SHROOM3: variants seen among roughly 807,000 people sequenced by gnomAD.
SHROOM3 encodes the protein protein Shroom3.
In SHROOM3, 47 loss-of-function variants were observed where a neutral mutation model predicts 138.6. The observed-to-expected ratio is 0.34, with a 90% confidence interval of 0.27 to 0.43. SHROOM3 has a LOEUF of 0.43. SHROOM3 is among the 20% of genes least tolerant of loss of function. The probability of loss-of-function intolerance (pLI) is 1.00; values close to 1 mark genes in which losing one functional copy is unlikely to be tolerated. For missense variants in SHROOM3, 2,491 were observed against 2,596.5 expected, an observed-to-expected ratio of 0.96 and a Z score of 0.88; for synonymous variants, 1,062 against 1,063.3, an observed-to-expected ratio of 1.00 and a Z score of 0.02.
chr4:76,499,684 A>T (rs1732049659), intron 1 of SHROOM3, among the ~76,000 whole-genome samples: 1 of 152,040 alleles, frequency 6.6e-6, no homozygotes, highest in African/African-American at 2.4e-5. Context: ...GGAGGAGGGG[A>T]CATGGGTCTC....
intron 2 of SHROOM3, among the ~76,000 whole-genome samples, chr4:76,607,181 T>G (rs1358568375): frequency 6.8e-6 from 1 of 147,234 alleles, no homozygotes; most frequent in Non-Finnish European, 1.5e-5. Flanking sequence ...AAATCTGATC[T>G]ATTTCTGTTT....
intron 2 of SHROOM3, among the ~76,000 whole-genome samples, chr4:76,699,861 G>C (rs1290712545): frequency 6.6e-6 from 1 of 152,130 alleles, no homozygotes; most frequent in Non-Finnish European, 1.5e-5. Context: ...AGACTCCCCT[G>C]ATGCAGGATG....
intron 1 of SHROOM3, among the ~76,000 whole-genome samples, chr4:76,441,091 T>TTTTTG (rs1553913348): frequency 7.8e-6 from 1 of 128,660 alleles, no homozygotes; most frequent in African/African-American, 3.0e-5. Flanking sequence ...AATTTGTTTT[T>TTTTTG]TTTTTTTTTT....
chr4:76,449,151 G>A (rs1730871374), intron 1 of SHROOM3, among the ~76,000 whole-genome samples: 1 of 152,144 alleles, frequency 6.6e-6, no homozygotes, highest in African/African-American at 2.4e-5. Flanking sequence ...CCACTCTCTT[G>A]TTCTATAGGT....
chr4:76,675,123 C>A (rs962069959), intron 2 of SHROOM3, among the ~76,000 whole-genome samples: 17 of 152,226 alleles, frequency 1.1e-4, no homozygotes, highest in African/African-American at 3.6e-4. Flanking sequence ...AGGAAGAGAC[C>A]AATGTTCCCT....
chr4:76,751,238 A>G (rs1721613714), intron 6 of SHROOM3, among the ~76,000 whole-genome samples: 1 of 152,190 alleles, frequency 6.6e-6, no homozygotes, highest in Admixed American at 6.5e-5. Context: ...AGTCACATCA[A>G]CTGGACAATA....
At chr4:76,470,506 G>A (rs1731347379) in intron 1 of SHROOM3, among the ~76,000 whole-genome samples, 1 of 152,110 alleles carries the variant, frequency 6.6e-6, no homozygotes, top group Non-Finnish European at 1.5e-5. Flanking sequence ...CAAGATACAA[G>A]ACTAATTGTA....
At chr4:76,730,767 T>C in intron 3 of SHROOM3, 37 bp from the exon 4 acceptor site, 1 of 1,613,306 alleles carries the variant, frequency 6.2e-7, no homozygotes. Flanking sequence ...GCTGAGACTT[T>C]GGCTAATGTT....
chr4:76,527,755 A>G (rs1449508068), intron 1 of SHROOM3, among the ~76,000 whole-genome samples: 1 of 152,196 alleles, frequency 6.6e-6, no homozygotes, highest in African/African-American at 2.4e-5. Context: ...TCCATGCTTC[A>G]GGGTTTGTTT....
At chr4:76,449,480 A>G (rs1730879915) in intron 1 of SHROOM3, among the ~76,000 whole-genome samples, 1 of 152,216 alleles carries the variant, frequency 6.6e-6, no homozygotes. Flanking sequence ...ACTTTTTAAC[A>G]CTAACATGCG....
intron 1 of SHROOM3, among the ~76,000 whole-genome samples, chr4:76,527,325 G>A (rs1389382572): frequency 6.6e-6 from 1 of 152,236 alleles, no homozygotes; most frequent in African/African-American, 2.4e-5. Flanking sequence ...GCTCATGCCT[G>A]TAATCCCAGC....
chr4:76,725,989 C>T (rs1720692251), intron 3 of SHROOM3, among the ~76,000 whole-genome samples: 1 of 152,204 alleles, frequency 6.6e-6, no homozygotes, highest in Non-Finnish European at 1.5e-5. Context: ...CCACCCTCTT[C>T]TCCCCTTTAG....
chr4:76,681,840 C>T (rs1385120306), intron 2 of SHROOM3, among the ~76,000 whole-genome samples: 1 of 152,108 alleles, frequency 6.6e-6, no homozygotes, highest in African/African-American at 2.4e-5. Flanking sequence ...ACACTCTCTC[C>T]AGCCCAGGTG....
chr4:76,756,791 C>A lies in SHROOM3; in HGVS notation c.5052C>A (p.Asp1684Glu), dbSNP rs1476657488. The stretch of plus-strand genomic sequence containing the variant: ...TCCACCAAGACAAATCTCTAGCAGA[C>A]ATTTTGGATCCAGACTCCAGGCTGA... ...EIVHQDKSLA[D>E]ILDPDSRLKT... Residue 1684 changes from aspartate to glutamate, a missense_variant, in exon 8 of 11, where the codon GAC (aspartate) becomes GAA (glutamate). Asp to Glu is a conservative substitution (Grantham distance 45). Transcript: ENST00000296043. 1 of 1,614,040 alleles carries A rather than the reference C, an allele frequency of 6.2e-7. No homozygotes were observed. Among genetic ancestry groups the A allele is most frequent in the African/African-American group, 1.3e-5 (1 of 74,926 alleles).
At chr4:76,478,310 A>G (rs1351299569) in intron 1 of SHROOM3, among the ~76,000 whole-genome samples, 2 of 152,290 alleles carry the variant, frequency 1.3e-5, no homozygotes, top group African/African-American at 4.8e-5. Context: ...ATCCGCCATT[A>G]CCAAGGCTTG....
At position 76,759,690 on chromosome 4, in the gene SHROOM3, A is replaced by T; in HGVS notation, c.5344A>T (p.Lys1782Ter). 1 of 1,613,796 alleles carries T rather than the reference A, an allele frequency of 6.2e-7. No homozygotes were observed. The highest frequency in any genetic ancestry group is 8.5e-7 in the Non-Finnish European group (1 of 1,179,868). Residue 1782 changes from lysine to a stop codon, truncating the protein, a stop_gained, in exon 9 of 11, where the codon AAG becomes TAG. Coordinates refer to ENST00000296043, the MANE Select transcript of SHROOM3 (RefSeq NM_020859.4). LOFTEE classifies it high-confidence loss of function. ...EEEEQADVNE[K>*]KAELIGSLTH... is the part of the protein sequence containing the mutation. ...AGAGGAACAGGCAGATGTCAATGAA[A>T]AGAAGGTAAATAAAGAATGGGATGC...
intron 2 of SHROOM3, among the ~76,000 whole-genome samples, chr4:76,567,893 CGTTT>C (rs1560548539): frequency 6.6e-6 from 1 of 151,174 alleles, no homozygotes; most frequent in Non-Finnish European, 1.5e-5. Context: ...TGGTACTGAA[CGTTT>C]TTTTTTTTTA....
chr4:76,753,553 C>T (rs539856260), intron 6 of SHROOM3, among the ~76,000 whole-genome samples: 1 of 152,350 alleles, frequency 6.6e-6, no homozygotes, highest in East Asian at 1.9e-4. Flanking sequence ...TCTTGCATAG[C>T]AGGTAGTGCC....
At chr4:76,629,671 G>T (rs898080225) in intron 2 of SHROOM3, among the ~76,000 whole-genome samples, 3 of 152,132 alleles carry the variant, frequency 2.0e-5, no homozygotes, top group Non-Finnish European at 4.4e-5. Context: ...TTTGAAGGTC[G>T]AAACAACAGT....
Sources: allele counts gnomAD v4.1 joint callset (sites outside exome capture counted in the v4.1 genomes callset), GRCh38; gene constraint gnomAD v4.1.1; transcripts MANE v1.5; gene names NCBI Gene and HGNC (gene_info 2026-07-23, HGNC 2026-07-21).